Variants in MCPH1 observed in about 807,000 individuals in gnomAD.
MCPH1 encodes the protein microcephalin.
Under a neutral mutation model 84.5 loss-of-function variants are expected in MCPH1, and 104 were observed. That is an observed-to-expected ratio of 1.23 (90% CI 1.05 to 1.45). MCPH1 has a LOEUF of 1.45. Among genes scored for constraint, MCPH1 ranks in the 40% most tolerant of loss-of-function variants. The probability of loss-of-function intolerance (pLI) is 0.00; values close to 1 mark genes in which losing one functional copy is unlikely to be tolerated. For missense variants in MCPH1, 1,498 were observed against 1,005.7 expected, an observed-to-expected ratio of 1.49 and a Z score of -6.62; for synonymous variants, 514 against 366.8, an observed-to-expected ratio of 1.40 and a Z score of -4.58.
Position 6,445,328 on chromosome 8 carries a change from A to C in MCPH1, c.1606A>C (p.Lys536Gln). ...SYTIEDPALPKGHDDDLTPLE... is the reference protein window; with the variant it reads ...SYTIEDPALPQGHDDDLTPLE... ...CACCATTGAGGACCCTGCTCTTCCA[A>C]AAGGACATGATGATGATTTAACTCC... The change falls in exon 8 of 14, where the codon AAA (lysine) becomes CAA (glutamine). Residue 536 changes from lysine to glutamine, a missense_variant. Physicochemically the swap from Lys to Gln is moderately conservative, Grantham distance 53 (BLOSUM62 1). Transcript: ENST00000344683. The C allele has an allele frequency of 6.2e-7, 1 of 1,614,258 alleles. No individual in the cohort carries two copies. The highest frequency in any genetic ancestry group is 2.2e-5 in the East Asian group (1 of 44,884).
intron 12 of MCPH1, among the ~76,000 whole-genome samples, chr8:6,522,481 G>C (rs1817547990): frequency 6.6e-6 from 1 of 151,568 alleles, no homozygotes; most frequent in African/African-American, 2.4e-5. Flanking sequence ...TTGAAACTTA[G>C]GGACATTGAG....
At chr8:6,562,539 C>CTTCA (rs1233820371) in intron 12 of MCPH1, 2 of 325,922 alleles carry the variant, frequency 6.1e-6, no homozygotes, top group East Asian at 5.3e-5. Context: ...CTCTAATCCT[C>CTTCA]TTCATCCTCC....
chr8:6,617,120 C>T (rs938935645), intron 12 of MCPH1: 1 of 152,030 alleles, frequency 6.6e-6, no homozygotes, highest in African/African-American at 2.4e-5. Context: ...TGTCCATTAG[C>T]AAGTTTATAT....
chr8:6,532,491 G>T, intron 12 of MCPH1: 1 of 1,599,900 alleles, frequency 6.3e-7, no homozygotes, highest in Non-Finnish European at 8.5e-7. Context: ...TCTCAAGCTA[G>T]AAAAGAACAG....
intron 3 of MCPH1, among the ~76,000 whole-genome samples, chr8:6,415,766 T>C (rs1276817107): frequency 6.6e-6 from 1 of 152,246 alleles, no homozygotes; most frequent in Non-Finnish European, 1.5e-5. Flanking sequence ...TTGAGTTCCT[T>C]GCTAAGATTG....
chr8:6,492,394 T>C (rs1810718487), intron 11 of MCPH1, among the ~76,000 whole-genome samples: 1 of 151,838 alleles, frequency 6.6e-6, no homozygotes. Flanking sequence ...GATGAGTAGA[T>C]TGCAAAAATT....
At chr8:6,529,453 CTTTTTT>C (rs200029751) in intron 12 of MCPH1, among the ~76,000 whole-genome samples, 2 of 136,034 alleles carry the variant, frequency 1.5e-5, no homozygotes, top group African/African-American at 5.5e-5. Flanking sequence ...AGCCATTTTT[CTTTTTT>C]TTTTTTTTTT....
intron 9 of MCPH1, among the ~76,000 whole-genome samples, chr8:6,476,059 C>T (rs1327152584): frequency 6.6e-6 from 1 of 152,152 alleles, no homozygotes; most frequent in Non-Finnish European, 1.5e-5. Context: ...ATGAAACTGT[C>T]AGTATTCACT....
intron 13 of MCPH1, among the ~76,000 whole-genome samples, chr8:6,624,539 G>C (rs964894100): frequency 6.6e-6 from 1 of 152,180 alleles, no homozygotes; most frequent in South Asian, 2.1e-4. Context: ...TTATTGGCTT[G>C]TATTTTTCTC....
chr8:6,534,071 T>G (rs1018013437), intron 12 of MCPH1, among the ~76,000 whole-genome samples: 3 of 152,098 alleles, frequency 2.0e-5, no homozygotes, highest in African/African-American at 7.2e-5. Flanking sequence ...GCCTGGTCAC[T>G]AAGGCTGCCT....
chr8:6,551,229 A>ATT lies in MCPH1; in HGVS notation c.2214+51309_2214+51310dup, dbSNP rs10708602. ...AAGCTGAGAGGGCTGCTTATTCGTGATTTTTTTTTTCTTCTTTCTCATGCA... is the reference window on the plus strand; with the variant it reads ...AAGCTGAGAGGGCTGCTTATTCGTGATTTTTTTTTTTTCTTCTTTCTCATGCA... On this transcript the variant is annotated intron_variant, in intron 12 of 13. Coordinates refer to ENST00000344683, the MANE Select transcript of MCPH1 (RefSeq NM_024596.5). Among the ~76,000 whole-genome samples, 4 of 150,420 alleles carry ATT rather than the reference A, an allele frequency of 2.7e-5. No homozygotes were observed. In the East Asian group the frequency reaches 5.9e-4, roughly 22 times the overall value.
At chr8:6,441,064 T>C (rs1392568063) in intron 6 of MCPH1, among the ~76,000 whole-genome samples, 3 of 152,208 alleles carry the variant, frequency 2.0e-5, no homozygotes, top group African/African-American at 7.2e-5. Flanking sequence ...TATTCCTGTC[T>C]AATTCCATTG....
intron 12 of MCPH1, among the ~76,000 whole-genome samples, chr8:6,586,344 TG>T (rs1827977883): frequency 1.8e-4 from 28 of 152,152 alleles, no homozygotes; most frequent in Admixed American, 1.8e-3. Flanking sequence ...AAGCTAGTCT[TG>T]CATAGACAAA....
chr8:6,480,955 C>T (rs576442897), intron 11 of MCPH1, 79 bp downstream of exon 11: 1 of 1,516,488 alleles, frequency 6.6e-7, no homozygotes, highest in African/African-American at 1.4e-5. Context: ...CCGACATCAG[C>T]ACTCAGGCCG....
At chr8:6,453,870 G>T (rs150619031) in intron 8 of MCPH1, among the ~76,000 whole-genome samples, 1 of 152,192 alleles carries the variant, frequency 6.6e-6, no homozygotes, top group Non-Finnish European at 1.5e-5. Context: ...AGTGGATTCA[G>T]TATTAGGGAT....
intron 12 of MCPH1, among the ~76,000 whole-genome samples, chr8:6,504,085 G>C (rs112503526): frequency 5.9e-5 from 9 of 151,506 alleles, no homozygotes; most frequent in Non-Finnish European, 1.2e-4. Flanking sequence ...TTGGGAGGCC[G>C]AGGTGGGTGG....
At chr8:6,547,824 G>C (rs905300046) in intron 12 of MCPH1, among the ~76,000 whole-genome samples, 1 of 152,068 alleles carries the variant, frequency 6.6e-6, no homozygotes, top group Admixed American at 6.5e-5. Flanking sequence ...GAAGGGAGCC[G>C]TGGCAGAGGT....
intron 11 of MCPH1, among the ~76,000 whole-genome samples, chr8:6,499,375 G>A (rs1258264753): frequency 1.3e-5 from 2 of 152,058 alleles, no homozygotes; most frequent in Admixed American, 6.5e-5. Flanking sequence ...AGTGTATTCT[G>A]GGGACTTCTG....
At position 6,621,656 on chromosome 8, in the gene MCPH1, C is replaced by T. The variant is rs202101904; in HGVS notation, c.2417C>T (p.Ala806Val). ...GGGCCCTACAGCGGAAAGAAGAAAG[C>T]CACAGTCAAGTATCTGTCTGAGAAA... ...VIGPYSGKKKATVKYLSEKWV... is the reference protein window; with the variant it reads ...VIGPYSGKKKVTVKYLSEKWV... The change falls in exon 13 of 14, where the codon GCC becomes GTC. Residue 806 changes from alanine (A) to valine (V), a missense_variant. Coordinates refer to ENST00000344683, the MANE Select transcript of MCPH1 (RefSeq NM_024596.5). The T allele has an allele frequency of 2.0e-4, 323 of 1,614,210 alleles. No individual in the cohort carries two copies. The highest frequency in any genetic ancestry group is 2.6e-4 in the Non-Finnish European group (307 of 1,180,040).
Sources: allele counts gnomAD v4.1 joint callset (sites outside exome capture counted in the v4.1 genomes callset), GRCh38; gene constraint gnomAD v4.1.1; transcripts MANE v1.5; gene names NCBI Gene and HGNC (gene_info 2026-07-23, HGNC 2026-07-21).